Variants in RBFOX3 observed in about 807,000 individuals in gnomAD.
The protein encoded by RBFOX3 is RNA binding fox-1 homolog 3.
RBFOX3 carries 17 observed loss-of-function variants against 48.7 expected under a neutral mutation model. The observed-to-expected ratio is 0.35, with a 90% CI of 0.24 to 0.52. RBFOX3 has a LOEUF of 0.52. RBFOX3 is among the 20% of genes least tolerant of loss of function. RBFOX3 has a pLI of 0.94. For missense variants in RBFOX3, 382 were observed against 497.5 expected (o/e 0.77, Z 2.21); for synonymous variants, 212 against 209.5 (o/e 1.01, Z -0.10).
At chr17:79,112,586 A>G (rs973305165) in intron 5 of RBFOX3, among the ~76,000 whole-genome samples, 1 of 152,110 alleles carries the variant, frequency 6.6e-6, no homozygotes, top group Non-Finnish European at 1.5e-5. Flanking sequence ...CATCGACGCC[A>G]TCAGCCCCAG....
At chr17:79,628,073 A>G in the RBFOX3 span, among the ~76,000 whole-genome samples, 1 of 152,186 alleles carries the variant, frequency 6.6e-6, no homozygotes, top group Admixed American at 6.5e-5. Context: ...CCTCAGAGAA[A>G]GCGGCTGCTT....
chr17:79,468,341 TAGAC>T (rs1464541016), intron 2 of RBFOX3, among the ~76,000 whole-genome samples: 6 of 152,154 alleles, frequency 3.9e-5, no homozygotes, highest in African/African-American at 1.2e-4. Context: ...GACATACAGA[TAGAC>T]AGGCAGGTAG....
chr17:79,645,886 A>G, the RBFOX3 span, among the ~76,000 whole-genome samples: 1 of 152,224 alleles, frequency 6.6e-6, no homozygotes, highest in South Asian at 2.1e-4. Flanking sequence ...CCAACCTGTG[A>G]AGTTTGTCAG....
At chr17:79,400,382 T>C (rs1018249319) in intron 2 of RBFOX3, among the ~76,000 whole-genome samples, 3 of 152,184 alleles carry the variant, frequency 2.0e-5, no homozygotes, top group Non-Finnish European at 2.9e-5. Flanking sequence ...CACGGGGCCT[T>C]TTCCTGTATG....
At chr17:79,280,993 A>AT (rs2144391107) in intron 3 of RBFOX3, among the ~76,000 whole-genome samples, 1 of 152,252 alleles carries the variant, frequency 6.6e-6, no homozygotes, top group East Asian at 1.9e-4. Context: ...AGGACAGGGG[A>AT]TACTGAAAGA....
intron 4 of RBFOX3, among the ~76,000 whole-genome samples, chr17:79,185,364 T>C (rs1270988106): frequency 6.6e-6 from 1 of 152,066 alleles, no homozygotes; most frequent in African/African-American, 2.4e-5. Context: ...AGGACAGTGG[T>C]GGGGGTCCCA....
At chr17:79,606,962 A>T (rs2093845696) in intron 1 of RBFOX3, among the ~76,000 whole-genome samples, 1 of 152,202 alleles carries the variant, frequency 6.6e-6, no homozygotes, top group African/African-American at 2.4e-5. Flanking sequence ...GAGGACAGGG[A>T]TGGCTCAGGG....
chr17:79,444,665 C>T (rs2071862817), intron 2 of RBFOX3, among the ~76,000 whole-genome samples: 1 of 152,002 alleles, frequency 6.6e-6, no homozygotes, highest in Non-Finnish European at 1.5e-5. Flanking sequence ...TTTCACAAGC[C>T]CTGGGTCTAG....
Position 79,541,470 on chromosome 17 carries a change from G to C in RBFOX3, c.-319-58872C>G, listed in dbSNP as rs944645458. Among the ~76,000 whole-genome samples the C allele has an allele frequency of 1.9e-4, 29 of 152,342 alleles. 1 individual carries two copies. Among genetic ancestry groups the C allele is most frequent in the African/African-American group, 6.7e-4 (28 of 41,582 alleles). On this transcript the variant is annotated intron_variant, in intron 1 of 14. Transcript: ENST00000693108. Reference sequence around the variant, plus strand: ...ACCATACTTGGTGTACAAAGTACTAGAGGCGCCTGGAGTCTGTGGCCGGCA... The same window carrying C: ...ACCATACTTGGTGTACAAAGTACTACAGGCGCCTGGAGTCTGTGGCCGGCA...
intron 4 of RBFOX3, among the ~76,000 whole-genome samples, chr17:79,180,759 A>G (rs1345785499): frequency 6.6e-6 from 1 of 151,852 alleles, no homozygotes; most frequent in Non-Finnish European, 1.5e-5. Flanking sequence ...TGCATTCTAG[A>G]CCTTTCCGGA....
At chr17:79,475,824 G>A (rs2077656639) in intron 2 of RBFOX3, among the ~76,000 whole-genome samples, 1 of 152,208 alleles carries the variant, frequency 6.6e-6, no homozygotes, top group Non-Finnish European at 1.5e-5. Context: ...GATGGCCAGT[G>A]GCCCCCAGAG....
At chr17:79,310,560 G>A (rs1306073498) in intron 2 of RBFOX3, among the ~76,000 whole-genome samples, 2 of 152,036 alleles carry the variant, frequency 1.3e-5, no homozygotes, top group African/African-American at 2.4e-5. Context: ...ACAGTCAGCA[G>A]TGGCTGCCCA....
chr17:79,138,713 C>CTG (rs2040971876), intron 4 of RBFOX3, among the ~76,000 whole-genome samples: 3 of 50,834 alleles, frequency 5.9e-5, no homozygotes, highest in Non-Finnish European at 7.5e-5. Flanking sequence ...GCGTTCACAC[C>CTG]CCCTCACCCA....
intron 2 of RBFOX3, among the ~76,000 whole-genome samples, chr17:79,326,107 C>T (rs1178711105): frequency 1.3e-5 from 2 of 152,176 alleles, no homozygotes; most frequent in Non-Finnish European, 2.9e-5. Context: ...CAATTACATA[C>T]TTCTGGGGCG....
intron 9 of RBFOX3, chr17:79,099,337 G>A (rs980674626): frequency 6.6e-6 from 1 of 152,312 alleles, no homozygotes; most frequent in East Asian, 1.9e-4. Context: ...GTGTTGCTCA[G>A]GCTGGTCTTG....
At chr17:79,194,597 G>C (rs1419408788) in intron 4 of RBFOX3, among the ~76,000 whole-genome samples, 1 of 142,690 alleles carries the variant, frequency 7.0e-6, no homozygotes, top group Non-Finnish European at 1.5e-5. Flanking sequence ...GTGACAAAGT[G>C]AGAGTCTGTC....
At chr17:79,283,265 C>CTTTTT (rs11307023) in intron 3 of RBFOX3, among the ~76,000 whole-genome samples, 26 of 114,576 alleles carry the variant, frequency 2.3e-4, no homozygotes, top group Non-Finnish European at 2.8e-4. Context: ...TGTTCCTTTT[C>CTTTTT]TTTTTTTTTT....
intron 5 of RBFOX3, among the ~76,000 whole-genome samples, chr17:79,107,895 G>A (rs1337991307): frequency 6.6e-6 from 1 of 152,228 alleles, no homozygotes; most frequent in East Asian, 1.9e-4. Context: ...GTGGGTGCAC[G>A]CTCCAGCTCC....
chr17:79,318,780 G>A (rs996236432), intron 2 of RBFOX3, among the ~76,000 whole-genome samples: 39 of 148,082 alleles, frequency 2.6e-4, no homozygotes, highest in African/African-American at 8.8e-4. Flanking sequence ...GTGTGAACCC[G>A]GGAGGCAAAG....
Sources: gnomAD v4.1 joint callset for allele counts (sites outside exome capture counted in the v4.1 genomes callset) on GRCh38, gnomAD v4.1.1 for gene constraint, MANE v1.5 for transcripts, NCBI Gene and HGNC (gene_info 2026-07-23, HGNC 2026-07-21) for gene names.